BOP1: variants seen among roughly 807,000 people sequenced by gnomAD.
The protein encoded by BOP1 is BOP1 ribosomal biogenesis factor.
Under a neutral mutation model 82.9 loss-of-function variants are expected in BOP1, and 54 were observed. The ratio of observed to expected loss-of-function variants is 0.65; its 90% CI spans 0.52 to 0.82. The LOEUF is 0.82. Ranked by LOEUF, BOP1 falls within the 40% of genes least tolerant of loss-of-function variation. The pLI is 0.00. For missense variants in BOP1, 1,170 were observed against 1,072.0 expected (o/e 1.09, Z -1.28); for synonymous variants, 566 against 451.1 (o/e 1.25, Z -3.23).
At position 144,264,600 on chromosome 8, in the gene BOP1, A is replaced by G; in HGVS notation, c.680T>C (p.Phe227Ser). The change falls in exon 6 of 16, where the codon TTC (phenylalanine) becomes TCC (serine). Residue 227 changes from phenylalanine to serine, a missense_variant. Phe to Ser is a radical substitution (Grantham distance 155). Transcript: ENST00000569669. ...FNPYEPAVDF[F>S]SGDVMIHPVT... is the part of the protein sequence containing the mutation. ...CGGGTGGATCATGACGTCCCCGCTGAAGAAGTCGACAGCCGGCTGGGGGAG... is the reference window on the plus strand; with the variant it reads ...CGGGTGGATCATGACGTCCCCGCTGGAGAAGTCGACAGCCGGCTGGGGGAG... 1.9e-6 allele frequency: 3 copies of G among 1,603,538 alleles called. No homozygotes were observed. The highest frequency in any genetic ancestry group is 2.6e-6 in the Non-Finnish European group (3 of 1,175,294).
intron 3 of BOP1, among the ~76,000 whole-genome samples, chr8:144,274,303 G>A (rs1278790332): frequency 6.6e-6 from 1 of 152,198 alleles, no homozygotes; most frequent in African/African-American, 2.4e-5. Flanking sequence ...TGCCGAGGAG[G>A]ACCATGGTCC....
At chr8:144,272,296 G>C (rs1330194791) in intron 3 of BOP1, among the ~76,000 whole-genome samples, 1 of 152,044 alleles carries the variant, frequency 6.6e-6, no homozygotes, top group South Asian at 2.1e-4. Context: ...CCCAACTCCG[G>C]ACACCTCCAA....
At chr8:144,281,663 T>C (rs1273287719) in intron 2 of BOP1, 2 of 151,096 alleles carry the variant, frequency 1.3e-5, no homozygotes, top group Non-Finnish European at 2.9e-5. Flanking sequence ...CTCTTACTAG[T>C]GCTTTTTTCT....
chr8:144,264,233 C>A lies in BOP1; in HGVS notation c.970G>T (p.Glu324Ter). The A allele has an allele frequency of 6.2e-7, 1 of 1,608,286 alleles. No homozygotes were observed. ...YNPPPEYLLS[E>*]EERLAWEQQE... ...CCAGGATGCAGGCCCACCTCCTCCT[C>A]GCTGAGCAGGTATTCAGGGGGTGGG... The change falls in exon 7 of 16, where the codon GAG becomes TAG. Residue 324 changes from glutamate to a stop codon, truncating the protein, a stop_gained. Coordinates refer to ENST00000569669, the MANE Select transcript of BOP1 (RefSeq NM_015201.5). LOFTEE classifies it high-confidence loss of function.
At chr8:144,263,455 C>T (rs1200460809) in intron 11 of BOP1, 23 bp downstream of exon 11, 6 of 1,597,974 alleles carry the variant, frequency 3.8e-6, no homozygotes, top group Non-Finnish European at 5.1e-6. Context: ...CCTGGCTCCC[C>T]AGCCCCCAGG....
At chr8:144,262,792 C>A (rs1845247115) in intron 13 of BOP1, 61 bp downstream of exon 13, 15 of 920,142 alleles carry the variant, frequency 1.6e-5, no homozygotes, top group Non-Finnish European at 4.5e-6. Flanking sequence ...CCCTCACCTG[C>A]AGGGTACACC....
Position 144,264,399 on chromosome 8 carries a change from G to C in BOP1, c.804C>G (p.Ile268Met). The C allele has an allele frequency of 6.2e-7, 1 of 1,602,658 alleles. No individual in the cohort carries two copies. Among genetic ancestry groups the C allele is most frequent in the Non-Finnish European group, 8.5e-7 (1 of 1,179,674 alleles). The change falls in exon 7 of 16, where the codon ATC becomes ATG. Residue 268 changes from isoleucine (I) to methionine (M), a missense_variant. Physicochemically the swap from Ile to Met is conservative, Grantham distance 10. Transcript: ENST00000569669. The part of the protein sequence containing the change: ...RMVHAIKMGW[I>M]QPRRPRDPTP... ...TGGGGTCTCGGGGCCGGCGAGGCTG[G>C]ATCCAGCCCATCTTGATGGCGTGCA... is the stretch of plus-strand genomic sequence containing the variant.
intron 3 of BOP1, among the ~76,000 whole-genome samples, chr8:144,274,908 C>T (rs1588598326): frequency 6.6e-6 from 1 of 152,210 alleles, no homozygotes; most frequent in African/African-American, 2.4e-5. Flanking sequence ...ACAGCCAGAG[C>T]CCCTGGGAGG....
intron 3 of BOP1, among the ~76,000 whole-genome samples, chr8:144,274,032 G>C (rs1042164091): frequency 1.2e-4 from 19 of 152,322 alleles, no homozygotes; most frequent in East Asian, 1.9e-4. Flanking sequence ...TCCAGACCCA[G>C]GAAGGGCAGG....
In BOP1 at chr8:144,289,240, C is replaced by A. The variant is rs1554839829; in HGVS notation, c.164G>T (p.Ser55Ile). The A allele has an allele frequency of 6.2e-7, 1 of 1,614,070 alleles. No homozygotes were observed. The highest frequency in any genetic ancestry group is 8.5e-7 in the Non-Finnish European group (1 of 1,179,956). The change falls in exon 2 of 16, where the codon AGC (serine) becomes ATC (isoleucine). Residue 55 changes from serine to isoleucine, a missense_variant. Ser to Ile is a moderately radical substitution (Grantham distance 142). Coordinates refer to ENST00000569669, the MANE Select transcript of BOP1 (RefSeq NM_015201.5). ...CAGGCCTGAGAACACACTTTCCTCG[C>A]TGTCGGAGACGCCAGAATCGCTGCC... ...STGSDSGVSD[S>I]EESVFSGLED...
intron 2 of BOP1, among the ~76,000 whole-genome samples, chr8:144,276,652 G>A (rs925768558): frequency 6.6e-5 from 10 of 152,194 alleles, no homozygotes; most frequent in Non-Finnish European, 1.5e-4. Context: ...CCAACCACCC[G>A]TACCCCCATT....
rs955530469 is a variant in BOP1, at chr8:144,267,669, G to A, written c.391-2598C>T. ...CCTAGGCCGCACACCAAGACACCAG[G>A]TCCTGTAGGGCTGCCCGAGACGTGG... On this transcript the variant is annotated intron_variant, in intron 3 of 15. Transcript: ENST00000569669. Among the ~76,000 whole-genome samples, 5 of 152,144 alleles carry A rather than the reference G, an allele frequency of 3.3e-5. No homozygotes were observed. The East Asian group carries it at 7.7e-4, about 24-fold the overall frequency.
chr8:144,265,444 G>T (rs888007909), intron 3 of BOP1: 2 of 352,910 alleles, frequency 5.7e-6, no homozygotes, highest in African/African-American at 2.1e-5. Flanking sequence ...GAAGTGGGCA[G>T]CTATAAGACG....
At position 144,291,169 on chromosome 8, in the gene BOP1, G is replaced by C. The variant is rs1815059014; in HGVS notation, c.99+103C>G. 3 of 999,072 alleles carry C rather than the reference G, an allele frequency of 3.0e-6. No individual in the cohort carries two copies. Among genetic ancestry groups the C allele is most frequent in the East Asian group, 4.2e-5 (1 of 23,660 alleles). 61.9% of individuals were successfully genotyped at this position (999,072 alleles called of 1,614,324 possible). A position where few individuals can be genotyped will look rare whatever the true frequency, so the allele number is the denominator to read the frequency against. On this transcript the variant is annotated intron_variant, in intron 1 of 15. Coordinates refer to ENST00000569669, the MANE Select transcript of BOP1 (RefSeq NM_015201.5). The surrounding 1 kb of genome is among the most constrained non-coding windows in gnomAD (Gnocchi z 4.1). ...CGCCCAAGACCGATTCACTGGGCGC[G>C]GGCGCCCAGGTGACAGAAGCCGGGC... is the stretch of plus-strand genomic sequence containing the variant.
chr8:144,273,690 C>T (rs1001588567), intron 3 of BOP1, among the ~76,000 whole-genome samples: 29 of 152,210 alleles, frequency 1.9e-4, no homozygotes, highest in African/African-American at 6.8e-4. Context: ...CCCCGGGGGT[C>T]CCAGCGGCTG....
At chr8:144,274,505 C>CACTTCT (rs1164443791) in intron 3 of BOP1, among the ~76,000 whole-genome samples, 2 of 152,356 alleles carry the variant, frequency 1.3e-5, no homozygotes, top group African/African-American at 4.8e-5. Context: ...GGCAGATGCG[C>CACTTCT]ACTTCTCTGG....
chr8:144,277,744 G>GAGTCCACCA (rs1845589636), intron 2 of BOP1, among the ~76,000 whole-genome samples: 1 of 90,166 alleles, frequency 1.1e-5, no homozygotes, highest in Non-Finnish European at 2.8e-5. Context: ...GTGGGGCACA[G>GAGTCCACCA]AGTCCACCAG....
rs571244747 is a variant in BOP1, at chr8:144,289,288, G to A, written c.116C>T (p.Thr39Ile). Residue 39 changes from threonine to isoleucine, a missense_variant, in exon 2 of 16, where the codon ACC (threonine) becomes ATC (isoleucine). Physicochemically the swap from Thr to Ile is moderately conservative, Grantham distance 89. Transcript: ENST00000569669. ...EPEPEPPLLC[T>I]SPLSHSTGSD... The stretch of plus-strand genomic sequence containing the variant: ...GCCGGTGCTGTGGCTGAGAGGAGAG[G>A]TGCAGAGGAGGGGGGGCTGCAAGGA... The A allele has an allele frequency of 2.0e-5, 32 of 1,613,990 alleles. No homozygotes were observed. The East Asian group carries it at 6.5e-4, about 33-fold the overall frequency.
intron 2 of BOP1, among the ~76,000 whole-genome samples, chr8:144,279,635 C>A (rs1390679827): frequency 6.6e-6 from 1 of 152,198 alleles, no homozygotes; most frequent in East Asian, 1.9e-4. Flanking sequence ...AACACGGCCA[C>A]AAACCTTTGA....
Sources: allele counts gnomAD v4.1 joint callset (sites outside exome capture counted in the v4.1 genomes callset), GRCh38; gene constraint gnomAD v4.1.1; non-coding constraint Gnocchi (gnomAD v3.1); transcripts MANE v1.5; gene names NCBI Gene and HGNC (gene_info 2026-07-23, HGNC 2026-07-21).